EHHADH: variants seen among roughly 807,000 people sequenced by gnomAD.
The protein encoded by EHHADH is peroxisomal bifunctional enzyme.
In EHHADH, 48 loss-of-function variants were observed where a neutral mutation model predicts 64.4. That is an observed-to-expected ratio of 0.75 (90% CI 0.59 to 0.95). EHHADH has a LOEUF of 0.95. EHHADH is among the 40% of genes least tolerant of loss of function. The pLI is 0.00. For synonymous variants in EHHADH, 308 were observed against 326.7 expected (o/e 0.94, Z 0.62); for missense variants, 854 against 876.6 (o/e 0.97, Z 0.33).
At chr3:185,241,971 G>T (rs1467765070) in intron 2 of EHHADH, among the ~76,000 whole-genome samples, 2 of 152,112 alleles carry the variant, frequency 1.3e-5, no homozygotes, top group Non-Finnish European at 2.9e-5. Flanking sequence ...AGTTATTTTT[G>T]TATAAAGTGA....
In EHHADH at chr3:185,241,924, G is replaced by C. The variant is rs778474593; in HGVS notation, c.179-6462C>G. Among the ~76,000 whole-genome samples the C allele has an allele frequency of 3.4e-4, 51 of 152,094 alleles. 1 individual carries two copies. Among genetic ancestry groups the C allele is most frequent in the Non-Finnish European group, 6.2e-4 (42 of 68,020 alleles). ...AATGTTGTCTTCTAGAATTTTTATAGTTTCAGGTTTTATATTTAAGTCCTT... is the reference window on the plus strand; with the variant it reads ...AATGTTGTCTTCTAGAATTTTTATACTTTCAGGTTTTATATTTAAGTCCTT... On this transcript the variant is annotated intron_variant, in intron 2 of 6. Coordinates refer to ENST00000231887, the MANE Select transcript of EHHADH (RefSeq NM_001966.4).
At chr3:185,210,180 T>G (rs893553402) in intron 5 of EHHADH, among the ~76,000 whole-genome samples, 1 of 152,174 alleles carries the variant, frequency 6.6e-6, no homozygotes, top group South Asian at 2.1e-4. Flanking sequence ...GAGTTGGATC[T>G]CTGTCTTGTG....
At chr3:185,234,515 CAGAG>C (rs1398171723) in intron 3 of EHHADH, among the ~76,000 whole-genome samples, 1 of 151,412 alleles carries the variant, frequency 6.6e-6, no homozygotes, top group African/African-American at 2.4e-5. Flanking sequence ...GCTGATGGAT[CAGAG>C]AGAGGCCCTA....
chr3:185,223,579 T>C (rs1008869222), intron 4 of EHHADH, among the ~76,000 whole-genome samples: 6 of 152,160 alleles, frequency 3.9e-5, no homozygotes. Flanking sequence ...AGCCTTGAGG[T>C]GCTAGTACTA....
intron 6 of EHHADH, among the ~76,000 whole-genome samples, chr3:185,193,812 A>G (rs1343464464): frequency 1.3e-5 from 2 of 152,242 alleles, no homozygotes; most frequent in Non-Finnish European, 2.9e-5. Context: ...AAATTAAAAG[A>G]AACAATTCTA....
intron 4 of EHHADH, among the ~76,000 whole-genome samples, chr3:185,221,579 T>TTC (rs1243563056): frequency 4.1e-5 from 6 of 146,494 alleles, no homozygotes; most frequent in Non-Finnish European, 7.5e-5. Flanking sequence ...TTTTTTTTCT[T>TTC]TTTTTTTTTT....
At chr3:185,206,072 G>A (rs986389864) in intron 5 of EHHADH, among the ~76,000 whole-genome samples, 4 of 151,866 alleles carry the variant, frequency 2.6e-5, no homozygotes, top group African/African-American at 7.3e-5. Flanking sequence ...TGACTCATAC[G>A]ATCTCAAACG....
At chr3:185,218,338 G>T in intron 4 of EHHADH, 98 bp from the exon 5 acceptor site, 2 of 707,326 alleles carry the variant, frequency 2.8e-6, no homozygotes, top group Non-Finnish European at 4.6e-6. Context: ...TGTCTGTCTG[G>T]ATATAAATAT....
chr3:185,215,839 T>C (rs540115138), intron 5 of EHHADH, among the ~76,000 whole-genome samples: 31 of 152,318 alleles, frequency 2.0e-4, no homozygotes, highest in African/African-American at 6.5e-4. Flanking sequence ...TCTGTATTCA[T>C]ACATACTCCA....
chr3:185,224,074 C>A (rs1014621915), intron 4 of EHHADH, among the ~76,000 whole-genome samples: 4 of 152,136 alleles, frequency 2.6e-5, no homozygotes, highest in Admixed American at 2.6e-4. Flanking sequence ...CCACCTAAAT[C>A]TATTTACTTA....
At chr3:185,203,858 G>A (rs1718297075) in intron 6 of EHHADH, among the ~76,000 whole-genome samples, 1 of 152,088 alleles carries the variant, frequency 6.6e-6, no homozygotes, top group Admixed American at 6.6e-5. Context: ...AAAAATGCTA[G>A]GCCAGGAATG....
chr3:185,215,908 T>C lies in EHHADH; in HGVS notation c.568+2228A>G, dbSNP rs980534398. Among the ~76,000 whole-genome samples the C allele has an allele frequency of 2.2e-4, 33 of 152,136 alleles. 1 individual carries two copies. The highest frequency in any genetic ancestry group is 8.8e-5 in the Non-Finnish European group (6 of 68,002). ...CTGTATAATTGCAAATACATGTACA[T>C]TTATATTCTACACATTTTTATATCA... On this transcript the variant is annotated intron_variant, in intron 5 of 6. Transcript: ENST00000231887.
chr3:185,236,774 C>T (rs76609230), intron 2 of EHHADH, among the ~76,000 whole-genome samples: 68 of 152,228 alleles, frequency 4.5e-4, no homozygotes, highest in African/African-American at 1.6e-3. Flanking sequence ...AGATCAATTT[C>T]AATCCAAGTC....
chr3:185,227,005 G>T (rs537448690), intron 4 of EHHADH: 1 of 152,326 alleles, frequency 6.6e-6, no homozygotes, highest in East Asian at 1.9e-4. Context: ...GCCTAGAAAA[G>T]GGCCCAGCAT....
At chr3:185,223,439 T>C (rs1270586246) in intron 4 of EHHADH, among the ~76,000 whole-genome samples, 1 of 152,182 alleles carries the variant, frequency 6.6e-6, no homozygotes, top group Non-Finnish European at 1.5e-5. Flanking sequence ...CGTTTATGTT[T>C]CTTTTTTTTT....
chr3:185,199,760 T>C (rs1180474512), intron 6 of EHHADH, among the ~76,000 whole-genome samples: 1 of 152,210 alleles, frequency 6.6e-6, no homozygotes, highest in Non-Finnish European at 1.5e-5. Context: ...TTTGTTTGTT[T>C]TTAGAGATAC....
intron 5 of EHHADH, among the ~76,000 whole-genome samples, chr3:185,217,008 C>T (rs1560012891): frequency 2.0e-5 from 2 of 99,124 alleles, no homozygotes; most frequent in Admixed American, 1.1e-4. Flanking sequence ...AAGGACATAA[C>T]TCAGTTTGCG....
intron 6 of EHHADH, among the ~76,000 whole-genome samples, chr3:185,194,723 C>A (rs1271704636): frequency 1.5e-5 from 2 of 137,626 alleles, no homozygotes; most frequent in Non-Finnish European, 3.1e-5. Flanking sequence ...TATCTTGAGC[C>A]CAGGAGTTTG....
Position 185,254,037 on chromosome 3 carries a change from C to A in EHHADH, c.-15G>T. On this transcript the variant is annotated 5_prime_UTR_variant, in exon 1 of 7. Coordinates refer to ENST00000231887, the MANE Select transcript of EHHADH (RefSeq NM_001966.4). ...TACTCGGCCATGTTTCCTCTATCACCGAGGGCACCTCTGCCTCTCGCCGTC... is the reference window on the plus strand; with the variant it reads ...TACTCGGCCATGTTTCCTCTATCACAGAGGGCACCTCTGCCTCTCGCCGTC... 6.2e-7 allele frequency: 1 copy of A among 1,612,616 alleles called. No individual in the cohort carries two copies. Among genetic ancestry groups the A allele is most frequent in the Non-Finnish European group, 8.5e-7 (1 of 1,178,904 alleles).
Sources: gnomAD v4.1 joint callset for allele counts (sites outside exome capture counted in the v4.1 genomes callset) on GRCh38, gnomAD v4.1.1 for gene constraint, MANE v1.5 for transcripts, NCBI Gene and HGNC (gene_info 2026-07-23, HGNC 2026-07-21) for gene names.